Variants in GSE1 observed in about 807,000 individuals in gnomAD.
The protein encoded by GSE1 is genetic suppressor element 1.
A neutral mutation model predicts 112.6 loss-of-function variants in GSE1; 32 were observed. The ratio of observed to expected loss-of-function variants is 0.28; its 90% confidence interval spans 0.21 to 0.38. The LOEUF is 0.38. GSE1 is among the 10% of genes least tolerant of loss of function. GSE1 has a pLI of 1.00. For synonymous variants in GSE1, 1,115 were observed against 735.6 expected (o/e 1.52, Z -8.35); for missense variants, 2,348 against 1,699.2 (o/e 1.38, Z -6.71).
chr16:85,314,842 G>C (rs1183142340), intron 1 of GSE1, among the ~76,000 whole-genome samples: 1 of 152,186 alleles, frequency 6.6e-6, no homozygotes, highest in Non-Finnish European at 1.5e-5. Context: ...GCCTCTTGGA[G>C]AGGAGACAGA....
At chr16:85,201,072 A>G in intron 1 of GSE1, among the ~76,000 whole-genome samples, 1 of 152,124 alleles carries the variant, frequency 6.6e-6, no homozygotes, top group Admixed American at 6.5e-5. Flanking sequence ...CCTTGGGACT[A>G]GAGGTGTTTC....
At position 85,567,943 on chromosome 16, in the gene GSE1, C is replaced by T. The variant is rs138099355; in HGVS notation, c.37+11580C>T. ...CTTCTTATGTTGCCCAGGCTGATCT[C>T]GCATTCCTGGGCTCCAGTGATCCTC... On this transcript the variant is annotated intron_variant, in intron 1 of 2. Transcript: ENST00000635906. Among the ~76,000 whole-genome samples, 314 of 152,248 alleles carry T rather than the reference C, an allele frequency of 2.1e-3. 2 individuals carry two copies. The highest frequency in any genetic ancestry group is 0.014 in the Middle Eastern group (4 of 294).
In GSE1 at chr16:85,668,269, C is replaced by A. The variant is rs745528379; in HGVS notation, c.3260C>A (p.Thr1087Asn). ...CACAATGGGCAGCAGGAGCCCCCCA[C>A]TGCAAGGAAGGGCCCCCCAACCCAG... Reference protein sequence around the residue: ...PQHNGQQEPPTARKGPPTQEL... With the variant: ...PQHNGQQEPPNARKGPPTQEL... Residue 1087 changes from threonine to asparagine, a missense_variant, in exon 14 of 16, where the codon ACT (threonine) becomes AAT (asparagine). Physicochemically the swap from Thr to Asn is moderately conservative, Grantham distance 65. Coordinates refer to ENST00000253458, the MANE Select transcript of GSE1 (RefSeq NM_014615.5). The A allele has an allele frequency of 1.1e-5, 18 of 1,613,190 alleles. No individual in the cohort carries two copies. Among genetic ancestry groups the A allele is most frequent in the Non-Finnish European group, 1.5e-5 (18 of 1,179,224 alleles).
chr16:85,524,955 G>A (rs896883355), intron 2 of GSE1, among the ~76,000 whole-genome samples: 19 of 152,172 alleles, frequency 1.2e-4, no homozygotes, highest in Admixed American at 2.6e-4. Flanking sequence ...ACATGAATGA[G>A]TGAGTCCCCG....
In GSE1 at chr16:85,666,264, A is replaced by G. The variant is rs368922880; in HGVS notation, c.3047A>G (p.Glu1016Gly). Reference protein sequence around the residue: ...HSTNGKSKPWEPFVAEEFAHQ... With the variant: ...HSTNGKSKPWGPFVAEEFAHQ... ...ACCAATGGGAAGAGCAAGCCGTGGG[A>G]GCCCTTTGTGGCAGAAGAGTTTGCA... Residue 1016 changes from glutamate to glycine, a missense_variant, in exon 13 of 16, where the codon GAG becomes GGG. Physicochemically the swap from Glu to Gly is moderately conservative, Grantham distance 98. Coordinates refer to ENST00000253458, the MANE Select transcript of GSE1 (RefSeq NM_014615.5). 37 of 1,613,740 alleles carry G rather than the reference A, an allele frequency of 2.3e-5. No individual in the cohort carries two copies. Among genetic ancestry groups the G allele is most frequent in the Non-Finnish European group, 3.0e-5 (35 of 1,180,046 alleles).
Position 85,654,844 on chromosome 16 carries a change from A to C in GSE1, c.650A>C (p.Asp217Ala). The C allele has an allele frequency of 6.2e-7, 1 of 1,611,566 alleles. No individual in the cohort carries two copies. The highest frequency in any genetic ancestry group is 2.2e-5 in the East Asian group (1 of 44,824). Residue 217 changes from aspartate (D) to alanine (A), a missense_variant, in exon 5 of 16, where the codon GAC (aspartate) becomes GCC (alanine). Transcript: ENST00000253458. ...GTGCCCCCCAGTACCGTGACCGAGG[A>C]CTACCTGAGAAGCTTCCGGCCCTAC... is the stretch of plus-strand genomic sequence containing the variant. ...HVVPPSTVTE[D>A]YLRSFRPYHT...
chr16:85,597,511 C>T (rs1479981568), intron 1 of GSE1, among the ~76,000 whole-genome samples: 1 of 151,986 alleles, frequency 6.6e-6, no homozygotes, highest in Non-Finnish European at 1.5e-5. Flanking sequence ...ATTCTGTTCC[C>T]CAGGCTGGAG....
chr16:85,431,179 G>C (rs1407511660), intron 2 of GSE1, among the ~76,000 whole-genome samples: 1 of 152,186 alleles, frequency 6.6e-6, no homozygotes, highest in Non-Finnish European at 1.5e-5. Context: ...AGTCTAGCCT[G>C]ATAGGGCGGC....
At chr16:85,402,083 A>C (rs2048127431) in intron 2 of GSE1, among the ~76,000 whole-genome samples, 1 of 152,174 alleles carries the variant, frequency 6.6e-6, no homozygotes, top group Admixed American at 6.5e-5. Flanking sequence ...TCTGTTCCCA[A>C]GTTTGAGAAC....
chr16:85,240,457 C>G (rs533913926), intron 1 of GSE1, among the ~76,000 whole-genome samples: 2 of 152,370 alleles, frequency 1.3e-5, no homozygotes, highest in East Asian at 3.9e-4. Context: ...TCCTCATCAA[C>G]GTCTCTCCTG....
intron 1 of GSE1, among the ~76,000 whole-genome samples, chr16:85,580,626 G>C (rs544742737): frequency 3.3e-5 from 5 of 152,348 alleles, no homozygotes; most frequent in Admixed American, 3.3e-4. Context: ...CCTTGTCACA[G>C]GCTGAATGTT....
chr16:85,220,834 T>G (rs1190081191), intron 1 of GSE1, among the ~76,000 whole-genome samples: 1 of 152,104 alleles, frequency 6.6e-6, no homozygotes, highest in African/African-American at 2.4e-5. Flanking sequence ...ATTCACTCTC[T>G]CCCACCACTT....
At chr16:85,173,447 C>T (rs1483214328) in intron 1 of GSE1, among the ~76,000 whole-genome samples, 1 of 152,124 alleles carries the variant, frequency 6.6e-6, no homozygotes, top group Non-Finnish European at 1.5e-5. Context: ...AATGTAAGTT[C>T]CCCCAGAGGG....
At chr16:85,215,652 GT>G (rs1428976964) in intron 1 of GSE1, among the ~76,000 whole-genome samples, 1 of 152,214 alleles carries the variant, frequency 6.6e-6, no homozygotes, top group African/African-American at 2.4e-5. Flanking sequence ...GCTGTTGTTT[GT>G]TCACTCAGCA....
rs145152406 is a variant in GSE1 at position 85,655,034 on chromosome 16, G to A, written c.797+43G>A. On this transcript the variant is annotated intron_variant, in intron 5 of 15. Transcript: ENST00000253458. ...CGCCCTCTCGTCTAGGTGCTGGCCTGTTCCTGGCAAGATGGAACCTGGCGG... is the reference window on the plus strand; with the variant it reads ...CGCCCTCTCGTCTAGGTGCTGGCCTATTCCTGGCAAGATGGAACCTGGCGG... 3.0e-4 allele frequency: 379 copies of A among 1,269,482 alleles called. 2 individuals are homozygous for A. The East Asian group carries it at 5.1e-3, about 17-fold the overall frequency. 78.6% of individuals were successfully genotyped at this position (1,269,482 alleles called of 1,614,324 possible). A position where few individuals can be genotyped will look rare whatever the true frequency, so the allele number is the denominator to read the frequency against.
In GSE1 at chr16:85,367,073, T is replaced by G. The variant is rs902552227; in HGVS notation, c.2464+9430T>G. Among the ~76,000 whole-genome samples, 6 of 152,228 alleles carry G rather than the reference T, an allele frequency of 3.9e-5. No individual in the cohort carries two copies. The South Asian group carries it at 1.2e-3, about 32-fold the overall frequency. On this transcript the variant is annotated intron_variant, in intron 2 of 2. Transcript: ENST00000637419. ...GCCACCACCCTGCCGTGGCCTCTGC[T>G]CACCCACTGTTCTTCATTCCCCTGA...
chr16:85,529,117 A>AG (rs1399653710), intron 2 of GSE1, among the ~76,000 whole-genome samples: 3 of 151,696 alleles, frequency 2.0e-5, no homozygotes, highest in African/African-American at 7.3e-5. Flanking sequence ...GCAGTTGTCC[A>AG]GGGGGGTCGG....
intron 2 of GSE1, among the ~76,000 whole-genome samples, chr16:85,479,720 C>T (rs538542634): frequency 1.7e-4 from 26 of 152,312 alleles, no homozygotes; most frequent in African/African-American, 5.5e-4. Flanking sequence ...CTGAGCGCAG[C>T]GAGGGGCTGG....
chr16:85,170,061 C>T, exon 1 of GSE1: 1 of 984,858 alleles, frequency 1.0e-6, no homozygotes, highest in Non-Finnish European at 1.2e-6. Flanking sequence ...TGTCGGACAC[C>T]GACCCCCTTT....
Sources: gnomAD v4.1 joint callset for allele counts (sites outside exome capture counted in the v4.1 genomes callset) on GRCh38, gnomAD v4.1.1 for gene constraint, MANE v1.5 for transcripts, NCBI Gene and HGNC (gene_info 2026-07-23, HGNC 2026-07-21) for gene names.